NCOR2: variants seen among roughly 807,000 people sequenced by gnomAD.
NCOR2 encodes the protein nuclear receptor corepressor 2, also known as CTG repeat protein 26.
A neutral mutation model predicts 262.9 loss-of-function variants in NCOR2; 81 were observed. That is an observed-to-expected ratio of 0.31 (90% confidence interval 0.26 to 0.37). The LOEUF (loss-of-function observed/expected upper bound fraction) is 0.37. NCOR2 is among the 10% of genes least tolerant of loss of function. The pLI, the probability that NCOR2 is intolerant of heterozygous loss-of-function variation, is 1.00. For synonymous variants in NCOR2, 1,659 were observed against 1,559.3 expected, an observed-to-expected ratio of 1.06 and a Z score of -1.51; for missense variants, 3,385 against 3,621.4, an observed-to-expected ratio of 0.93 and a Z score of 1.68.
chr12:124,398,296 CG>C (rs1555216996), intron 15 of NCOR2, 115 bp from the exon 18 acceptor site: 1 of 1,152,872 alleles, frequency 8.7e-7, no homozygotes, highest in Non-Finnish European at 1.3e-6. Context: ...ACGGTGTCAC[CG>C]CACGGCTCTG....
At chr12:124,356,682 C>A (rs200770364) in exon 23 of NCOR2, 6 of 1,468,216 alleles carry the variant, frequency 4.1e-6, no homozygotes, top group African/African-American at 1.5e-5. Flanking sequence ...CCGGGGCATG[C>A]GGGGAGGCCT....
At chr12:124,424,367 G>T (rs1271352047) in intron 11 of NCOR2, among the ~76,000 whole-genome samples, 1 of 152,122 alleles carries the variant, frequency 6.6e-6, no homozygotes, top group Non-Finnish European at 1.5e-5. Flanking sequence ...CGGAGACTTT[G>T]ATTTGACGTA....
intron 1 of NCOR2, among the ~76,000 whole-genome samples, chr12:124,528,726 T>C (rs1247708140): frequency 1.3e-5 from 2 of 152,196 alleles, no homozygotes; most frequent in African/African-American, 4.8e-5. Flanking sequence ...CATGACCCTC[T>C]GGACTGGCAA....
At chr12:124,373,967 G>C (rs1022932665) in intron 19 of NCOR2, among the ~76,000 whole-genome samples, 1 of 151,746 alleles carries the variant, frequency 6.6e-6, no homozygotes, top group African/African-American at 2.4e-5. Flanking sequence ...GCAGGAGCGC[G>C]ATCTGTGCTG....
chr12:124,397,903 A>T (rs1470846555), intron 16 of NCOR2, among the ~76,000 whole-genome samples: 1 of 152,262 alleles, frequency 6.6e-6, no homozygotes, highest in Admixed American at 6.5e-5. Context: ...CACAAAGACA[A>T]GCCTGACAGC....
At chr12:124,472,787 G>C (rs2046896968) in intron 4 of NCOR2, among the ~76,000 whole-genome samples, 165 bp downstream of exon 6, 1 of 152,208 alleles carries the variant, frequency 6.6e-6, no homozygotes, top group Non-Finnish European at 1.5e-5. Flanking sequence ...CATCATGGCA[G>C]AAAGTTCTGT....
rs575246382 is a variant in NCOR2, at chr12:124,481,569, C to A, written c.411+2027G>T. 3.5e-4 allele frequency among the ~76,000 whole-genome samples: 54 copies of A among 152,150 alleles called. No homozygotes were observed. The highest frequency in any genetic ancestry group is 5.7e-4 in the Non-Finnish European group (39 of 68,010). ...AGGGCGCTCCTGCGGAGGGCACAGC[C>A]GGTGCAAAGGTCCCCAGGTGGGAAT... On this transcript the variant is annotated intron_variant, in intron 3 of 46. Transcript: ENST00000405201. The surrounding 1 kb of genome is among the most constrained non-coding windows in gnomAD (Gnocchi z 4.6).
chr12:124,464,968 G>T (rs2046346592), intron 5 of NCOR2, among the ~76,000 whole-genome samples: 1 of 152,184 alleles, frequency 6.6e-6, no homozygotes, highest in Admixed American at 6.5e-5. Flanking sequence ...CCCCAAACAG[G>T]CTTGTCTCAT....
At chr12:124,468,330 ATCC>A (rs139003958) in intron 4 of NCOR2, among the ~76,000 whole-genome samples, 4,925 of 21,222 alleles carry the variant, frequency 0.23, 664 homozygotes, top group Middle Eastern at 0.38. Context: ...CACCCTCATC[ATCC>A]TCATCCTCCT....
chr12:124,520,644 C>A (rs2050132293), intron 1 of NCOR2, among the ~76,000 whole-genome samples: 1 of 152,210 alleles, frequency 6.6e-6, no homozygotes, highest in South Asian at 2.1e-4. Context: ...GACCACAAAT[C>A]ATCAAACACC....
At chr12:124,413,920 A>AGCC (rs1194326600) in intron 13 of NCOR2, among the ~76,000 whole-genome samples, 1 of 150,694 alleles carries the variant, frequency 6.6e-6, no homozygotes, top group African/African-American at 2.4e-5. Flanking sequence ...GGGGGTACTG[A>AGCC]GCCCCCCCCA....
intron 1 of NCOR2, among the ~76,000 whole-genome samples, chr12:124,534,214 T>C (rs1173665519): frequency 6.6e-6 from 1 of 152,178 alleles, no homozygotes; most frequent in African/African-American, 2.4e-5. Context: ...CCCAGCACTT[T>C]GGGAGGCCGA....
At chr12:124,486,780 C>G (rs141426555) in intron 1 of NCOR2, among the ~76,000 whole-genome samples, 1 of 152,190 alleles carries the variant, frequency 6.6e-6, no homozygotes, top group East Asian at 1.9e-4. Flanking sequence ...CACAGCTGAA[C>G]GGCCCTGGGC....
chr12:124,405,646 G>A (rs1201656650), intron 13 of NCOR2, among the ~76,000 whole-genome samples: 2 of 152,202 alleles, frequency 1.3e-5, no homozygotes, highest in South Asian at 2.1e-4. Context: ...GCAGGGTCTC[G>A]CAGTGGCCAC....
At chr12:124,514,291 C>G (rs889238219) in intron 1 of NCOR2, 7 of 152,388 alleles carry the variant, frequency 4.6e-5, no homozygotes, top group Middle Eastern at 3.4e-3. Flanking sequence ...AATCTGCCAG[C>G]ATCTTGGTCT....
Position 124,375,252 on chromosome 12 carries a change from G to A in NCOR2, c.2168-789C>T, listed in dbSNP as rs551535544. Among the ~76,000 whole-genome samples the A allele has an allele frequency of 6.6e-5, 10 of 152,300 alleles. No individual in the cohort carries two copies. In the East Asian group the frequency reaches 7.7e-4, roughly 12 times the overall value. On this transcript the variant is annotated intron_variant, in intron 18 of 46. Transcript: ENST00000405201. ...TCCTTCCACAGTCAGAGTACAGGAC[G>A]TTGGGAGGCCAACGCTGAGGGCCCC...
At chr12:124,467,641 CCAT>C (rs2046527592) in intron 4 of NCOR2, among the ~76,000 whole-genome samples, 1 of 117,208 alleles carries the variant, frequency 8.5e-6, no homozygotes, top group African/African-American at 3.3e-5. Context: ...CATCTTCACC[CCAT>C]CATCCTTATC....
intron 13 of NCOR2, 54 bp from the exon 16 acceptor site, chr12:124,402,615 A>G: frequency 1.3e-6 from 2 of 1,542,282 alleles, no homozygotes; most frequent in South Asian, 1.2e-5. Flanking sequence ...AAAACCGTGA[A>G]CAGGTGAATC....
chr12:124,374,110 G>T (rs375939748), intron 19 of NCOR2, among the ~76,000 whole-genome samples: 1 of 152,152 alleles, frequency 6.6e-6, no homozygotes, highest in Admixed American at 6.5e-5. Context: ...TGTAAAATGG[G>T]GATACTTGAA....
Sources: gnomAD v4.1 joint callset for allele counts (sites outside exome capture counted in the v4.1 genomes callset) on GRCh38, gnomAD v4.1.1 for gene constraint, Gnocchi (gnomAD v3.1) non-coding constraint, MANE v1.5 for transcripts, NCBI Gene and HGNC (gene_info 2026-07-23, HGNC 2026-07-21) for gene names.